The following ZNF777 variants were observed in gnomAD, a reference collection of about 807,000 sequenced individuals.
The protein encoded by ZNF777 is zinc finger protein 777.
A neutral mutation model predicts 72.1 loss-of-function variants in ZNF777; 7 were observed. The ratio of observed to expected loss-of-function variants is 0.10; its 90% confidence interval spans 0.06 to 0.18. The LOEUF (loss-of-function observed/expected upper bound fraction) is 0.18. Ranked by LOEUF, ZNF777 falls within the 10% of genes least tolerant of loss-of-function variation. The probability of loss-of-function intolerance (pLI) is 1.00; values close to 1 mark genes in which losing one functional copy is unlikely to be tolerated. For missense variants in ZNF777, 828 were observed against 1,128.6 expected, an observed-to-expected ratio of 0.73 and a Z score of 3.82; for synonymous variants, 545 against 483.5, an observed-to-expected ratio of 1.13 and a Z score of -1.67.
At chr7:149,458,168 T>C (rs187576930) in intron 1 of ZNF777, among the ~76,000 whole-genome samples, 2 of 152,294 alleles carry the variant, frequency 1.3e-5, no homozygotes, top group African/African-American at 4.8e-5. Context: ...ATGAAAGTTT[T>C]GGGTTCTTGT....
In ZNF777 at chr7:149,460,170, C is replaced by A. The variant is rs1276631434; in HGVS notation, c.-16+645G>T. 4 of 919,914 alleles carry A rather than the reference C, an allele frequency of 4.3e-6. No individual in the cohort carries two copies. In the South Asian group the frequency reaches 1.5e-4, roughly 34 times the overall value. 57.0% of individuals were successfully genotyped at this position (919,914 alleles called of 1,614,324 possible). A position where few individuals can be genotyped will look rare whatever the true frequency, so the allele number is the denominator to read the frequency against. On this transcript the variant is annotated intron_variant, in intron 1 of 5. Coordinates refer to ENST00000247930, the MANE Select transcript of ZNF777 (RefSeq NM_015694.3). This position sits in a 1 kb window ranked among gnomAD's most constrained non-coding sequence, Gnocchi z 6.1. ...ATGGCCCTGCGCTGTCCGGCCCGGG[C>A]CCCCGGAGTCGCCGCCGCTACTGCC...
At chr7:149,448,826 C>T (rs938924149) in intron 4 of ZNF777, among the ~76,000 whole-genome samples, 1 of 151,540 alleles carries the variant, frequency 6.6e-6, no homozygotes, top group African/African-American at 2.4e-5. Flanking sequence ...TGAATGGGAG[C>T]CCCTGTTCTG....
In ZNF777 at chr7:149,431,992, G is replaced by A. The variant is rs555657431; in HGVS notation, c.2280C>T (p.Ile760=). 4 of 1,611,138 alleles carry A rather than the reference G, an allele frequency of 2.5e-6. No individual in the cohort carries two copies. In the African/African-American group the frequency reaches 4.0e-5, roughly 16 times the overall value. The change falls in exon 6 of 6, where the codon ATC becomes ATT. Residue 760 remains isoleucine (I), a synonymous_variant. Transcript: ENST00000247930. The stretch of plus-strand genomic sequence containing the variant: ...GGTGTTCCAGGAGGTGGTGCTTGCG[G>A]ATGAAGCTCTTGCCGCACTCGGGGC... ...HACPECGKSF[I]RKHHLLEHRR...
intron 3 of ZNF777, among the ~76,000 whole-genome samples, chr7:149,451,584 C>T (rs1799717901): frequency 6.6e-6 from 1 of 151,638 alleles, no homozygotes; most frequent in Non-Finnish European, 1.5e-5. Flanking sequence ...CCCAGCTACT[C>T]GGGAGGCTGA....
chr7:149,438,087 G>C (rs1227925230), intron 4 of ZNF777, among the ~76,000 whole-genome samples: 1 of 151,982 alleles, frequency 6.6e-6, no homozygotes, highest in Non-Finnish European at 1.5e-5. Context: ...CACCGTGTTA[G>C]CCAGGCTGGT....
chr7:149,454,978 C>G (rs1167894013), intron 2 of ZNF777, among the ~76,000 whole-genome samples, 199 bp downstream of exon 2: 2 of 152,206 alleles, frequency 1.3e-5, no homozygotes, highest in Non-Finnish European at 2.9e-5. Context: ...CTGACAATCC[C>G]CGATCCCAGG....
At position 149,432,933 on chromosome 7, in the gene ZNF777, C is replaced by A; in HGVS notation, c.1340-1G>T. 6.8e-7 allele frequency: 1 copy of A among 1,468,802 alleles called. No homozygotes were observed. Among genetic ancestry groups the A allele is most frequent in the Non-Finnish European group, 9.0e-7 (1 of 1,108,330 alleles). The allele number at this position is 1,468,802 out of a possible 1,614,324, so 91.0% of individuals were successfully genotyped here. The stretch of plus-strand genomic sequence containing the variant: ...TCCTCTGTCTTGATCACGATCCCCT[C>A]TGCTCCAGGGACAGAGAGAGAAAGT... On this transcript the variant is annotated splice_acceptor_variant, in intron 5 of 5. Coordinates refer to ENST00000247930, the MANE Select transcript of ZNF777 (RefSeq NM_015694.3). LOFTEE classifies it high-confidence loss of function.
At chr7:149,456,373 C>T (rs1447810176) in intron 1 of ZNF777, among the ~76,000 whole-genome samples, 1 of 152,200 alleles carries the variant, frequency 6.6e-6, no homozygotes, top group African/African-American at 2.4e-5. Flanking sequence ...GCCCTGTCTA[C>T]ACCTATTGCC....
At chr7:149,457,113 G>A (rs1799849279) in intron 1 of ZNF777, among the ~76,000 whole-genome samples, 1 of 152,160 alleles carries the variant, frequency 6.6e-6, no homozygotes, top group Non-Finnish European at 1.5e-5. Context: ...GGGGGGACTA[G>A]ACCAACATAA....
Position 149,455,174 on chromosome 7 carries a change from T to C in ZNF777, c.846+3A>G. The C allele has an allele frequency of 2.5e-6, 4 of 1,609,092 alleles. No individual in the cohort carries two copies. Among genetic ancestry groups the C allele is most frequent in the Middle Eastern group, 3.3e-4 (2 of 6,016 alleles). On this transcript the variant is annotated splice_donor_region_variant and intron_variant, in intron 2 of 5. Transcript: ENST00000247930. This position sits in a 1 kb window ranked among gnomAD's most constrained non-coding sequence, Gnocchi z 4.2. The stretch of plus-strand genomic sequence containing the variant: ...TGGGAAGCCCCAGTTGGGATGTGCT[T>C]ACCTTGGGAACTTCTCCATTGCTGC...
intron 5 of ZNF777, among the ~76,000 whole-genome samples, chr7:149,433,554 C>A (rs770376065): frequency 6.6e-5 from 10 of 152,188 alleles, no homozygotes; most frequent in Non-Finnish European, 1.3e-4. Context: ...CCTTTCCTCA[C>A]CTTCCTCCAG....
Position 149,455,138 on chromosome 7 carries a change from G to T in ZNF777, c.846+39C>A, listed in dbSNP as rs780960815. 1 of 1,577,550 alleles carries T rather than the reference G, an allele frequency of 6.3e-7. No homozygotes were observed. Among genetic ancestry groups the T allele is most frequent in the Admixed American group, 1.8e-5 (1 of 54,248 alleles). On this transcript the variant is annotated intron_variant, in intron 2 of 5. Coordinates refer to ENST00000247930, the MANE Select transcript of ZNF777 (RefSeq NM_015694.3). This position sits in a 1 kb window ranked among gnomAD's most constrained non-coding sequence, Gnocchi z 4.2. ...CATTCCTAAACCACACTCCAATTCA[G>T]ATCACTTCCTTGGGAAGCCCCAGTT... is the stretch of plus-strand genomic sequence containing the variant.
rs1383776223 is a variant in ZNF777 at position 149,436,951 on chromosome 7, TG to T, written c.1088-126del. 1 of 1,244,218 alleles carries T rather than the reference TG, an allele frequency of 8.0e-7. No individual in the cohort carries two copies. Among genetic ancestry groups the T allele is most frequent in the Non-Finnish European group, 1.1e-6 (1 of 905,750 alleles). 77.1% of individuals were successfully genotyped at this position (1,244,218 alleles called of 1,614,324 possible). Reference sequence around the variant, plus strand: ...TCTTATCTTAGAGACCCTGAAGAAATGTAATATTGAGTTGGAAATGAGTAGA... The same window carrying T: ...TCTTATCTTAGAGACCCTGAAGAAATTAATATTGAGTTGGAAATGAGTAGA... On this transcript the variant is annotated intron_variant, in intron 4 of 5. Transcript: ENST00000247930. This position sits in a 1 kb window ranked among gnomAD's most constrained non-coding sequence, Gnocchi z 5.0.
rs559603126 is a variant in ZNF777, at chr7:149,447,852, G to A, written c.1087+3147C>T. 9.2e-5 allele frequency among the ~76,000 whole-genome samples: 14 copies of A among 152,118 alleles called. No individual in the cohort carries two copies. The South Asian group carries it at 2.1e-3, about 23-fold the overall frequency. ...CTCAGCTTTGTCACAGCTGGTGCCC[G>A]TGCTTTCATCTGTGGGGGGTGTTTT... On this transcript the variant is annotated intron_variant, in intron 4 of 5. Coordinates refer to ENST00000247930, the MANE Select transcript of ZNF777 (RefSeq NM_015694.3).
chr7:149,447,426 C>G (rs1236921005), intron 4 of ZNF777, among the ~76,000 whole-genome samples: 1 of 152,196 alleles, frequency 6.6e-6, no homozygotes, highest in Non-Finnish European at 1.5e-5. Flanking sequence ...AAACGGAATT[C>G]TCAGTGTTTC....
chr7:149,448,511 AAC>A (rs1305350605), intron 4 of ZNF777, among the ~76,000 whole-genome samples: 52 of 88,980 alleles, frequency 5.8e-4, no homozygotes, highest in African/African-American at 2.5e-3. Flanking sequence ...ATATATATAT[AAC>A]TATATATAGT....
chr7:149,445,390 TC>T (rs1799585380), intron 4 of ZNF777, among the ~76,000 whole-genome samples: 1 of 152,196 alleles, frequency 6.6e-6, no homozygotes, highest in Non-Finnish European at 1.5e-5. Context: ...TTCTTGGTTG[TC>T]CCCGGAGACT....
At chr7:149,434,238 T>A (rs1799374804) in intron 5 of ZNF777, among the ~76,000 whole-genome samples, 1 of 152,158 alleles carries the variant, frequency 6.6e-6, no homozygotes, top group Non-Finnish European at 1.5e-5. Flanking sequence ...AAGCTAGCAA[T>A]GTTTGTGACC....
intron 4 of ZNF777, 90 bp downstream of exon 4, chr7:149,450,909 C>T: frequency 8.6e-7 from 1 of 1,160,286 alleles, no homozygotes; most frequent in Admixed American, 2.0e-5. Flanking sequence ...CCTGGCAGGG[C>T]CTACCTTGGA....
Sources: allele counts gnomAD v4.1 joint callset (sites outside exome capture counted in the v4.1 genomes callset), GRCh38; gene constraint gnomAD v4.1.1; non-coding constraint Gnocchi (gnomAD v3.1); transcripts MANE v1.5; gene names NCBI Gene and HGNC (gene_info 2026-07-23, HGNC 2026-07-21).